MTX2: variants seen among roughly 807,000 people sequenced by gnomAD.
The protein encoded by MTX2 is metaxin-2.
MTX2 carries 35 observed loss-of-function variants against 42.3 expected under a neutral mutation model. That is an observed-to-expected ratio of 0.83 (90% CI 0.63 to 1.10). The LOEUF (loss-of-function observed/expected upper bound fraction) is 1.10. Among genes scored for constraint, MTX2 ranks in the 50% least tolerant of loss-of-function variants. The probability of loss-of-function intolerance (pLI) is 0.00; values close to 1 mark genes in which losing one functional copy is unlikely to be tolerated. For missense variants in MTX2, 307 were observed against 304.1 expected (o/e 1.01, Z -0.07); for synonymous variants, 119 against 100.9 (o/e 1.18, Z -1.08).
intron 1 of MTX2, among the ~76,000 whole-genome samples, chr2:176,296,404 G>A (rs960230487): frequency 6.6e-6 from 1 of 152,020 alleles, no homozygotes; most frequent in African/African-American, 2.4e-5. Context: ...TTCTTACAAT[G>A]TCTGCTTGAA....
intron 9 of MTX2, among the ~76,000 whole-genome samples, chr2:176,336,138 C>T (rs904475736): frequency 4.6e-5 from 7 of 152,130 alleles, no homozygotes; most frequent in African/African-American, 7.2e-5. Context: ...AAAACTTTAT[C>T]ACTGTGGGAC....
rs114356884 is a variant in MTX2 at position 176,270,747 on chromosome 2, A to G, written c.40+1078A>G. On this transcript the variant is annotated intron_variant, in intron 1 of 9. Transcript: ENST00000249442. ...TTCACTTAAAAACATTATTTTTTAG[A>G]GGAGAGAAGCTCCTACTAGATTGCA... Among the ~76,000 whole-genome samples the G allele has an allele frequency of 8.1e-3, 1,226 of 152,140 alleles. 9 individuals are homozygous for G. Among genetic ancestry groups the G allele is most frequent in the Middle Eastern group, 0.024 (7 of 294 alleles).
At position 176,270,058 on chromosome 2, in the gene MTX2, G is replaced by A. The variant is rs555821322; in HGVS notation, c.40+389G>A. Among the ~76,000 whole-genome samples, 24 of 152,284 alleles carry A rather than the reference G, an allele frequency of 1.6e-4. No individual in the cohort carries two copies. In the South Asian group the frequency reaches 4.8e-3, roughly 30 times the overall value. On this transcript the variant is annotated intron_variant, in intron 1 of 9. Transcript: ENST00000249442. The stretch of plus-strand genomic sequence containing the variant: ...GTTTCTGGGTCTTGGTACTCAAAAA[G>A]TTTAAGGTGACTGTCACTAATCAGT...
intron 9 of MTX2, among the ~76,000 whole-genome samples, chr2:176,336,910 C>G (rs905356671): frequency 3.3e-5 from 5 of 152,086 alleles, no homozygotes; most frequent in African/African-American, 1.2e-4. Context: ...GGGACCCCCA[C>G]AGATACTAAA....
chr2:176,274,068 G>A (rs551883352), intron 1 of MTX2, among the ~76,000 whole-genome samples: 1 of 152,024 alleles, frequency 6.6e-6, no homozygotes, highest in South Asian at 2.1e-4. Context: ...TCTGGGCACC[G>A]TTTTAACCAT....
chr2:176,271,274 A>G (rs993610546), intron 1 of MTX2, among the ~76,000 whole-genome samples: 1 of 152,230 alleles, frequency 6.6e-6, no homozygotes, highest in African/African-American at 2.4e-5. Flanking sequence ...ATCTAAATAT[A>G]AAACAACAAA....
intron 4 of MTX2, among the ~76,000 whole-genome samples, chr2:176,324,230 G>T (rs185651259): frequency 8.4e-4 from 127 of 151,406 alleles, no homozygotes; most frequent in African/African-American, 2.9e-3. Flanking sequence ...TTGCTTTTTA[G>T]GGAGACATTT....
At chr2:176,292,244 G>A (rs144753684) in intron 1 of MTX2, among the ~76,000 whole-genome samples, 190 of 152,268 alleles carry the variant, frequency 1.2e-3, no homozygotes, top group African/African-American at 4.3e-3. Flanking sequence ...CTGAAAATAG[G>A]TAGAGTAGGT....
At chr2:176,324,685 T>C (rs1684668588) in intron 4 of MTX2, among the ~76,000 whole-genome samples, 1 of 151,774 alleles carries the variant, frequency 6.6e-6, no homozygotes, top group Admixed American at 6.6e-5. Flanking sequence ...TTTATCTACC[T>C]GTTTCCTAAA....
intron 1 of MTX2, among the ~76,000 whole-genome samples, chr2:176,282,707 T>G (rs1962028): frequency 0.29 from 43,708 of 149,990 alleles, 7,032 homozygotes; most frequent in African/African-American, 0.43. Context: ...CTTTTTTTTT[T>G]TTGTTTTTTT....
chr2:176,294,840 T>G (rs960997184), intron 1 of MTX2, among the ~76,000 whole-genome samples: 1 of 152,090 alleles, frequency 6.6e-6, no homozygotes, highest in Non-Finnish European at 1.5e-5. Flanking sequence ...TTTAATACAG[T>G]TTTTGGGGAA....
intron 3 of MTX2, among the ~76,000 whole-genome samples, chr2:176,302,828 T>C (rs1234716267): frequency 6.6e-6 from 1 of 152,150 alleles, no homozygotes; most frequent in African/African-American, 2.4e-5. Flanking sequence ...GACCCTTGCA[T>C]TTTCCTTTTA....
At chr2:176,279,597 G>A (rs1693032384) in intron 1 of MTX2, among the ~76,000 whole-genome samples, 1 of 152,038 alleles carries the variant, frequency 6.6e-6, no homozygotes, top group African/African-American at 2.4e-5. Flanking sequence ...TTTGTTAGAT[G>A]CTATCATTGT....
chr2:176,308,031 G>A (rs1684197599), intron 3 of MTX2, among the ~76,000 whole-genome samples: 1 of 152,070 alleles, frequency 6.6e-6, no homozygotes, highest in East Asian at 1.9e-4. Context: ...TATTGGCTGT[G>A]GGTTTGTCAT....
At chr2:176,329,212 G>T in intron 7 of MTX2, 89 bp from the exon 8 acceptor site, 1 of 1,428,614 alleles carries the variant, frequency 7.0e-7, no homozygotes, top group Non-Finnish European at 9.4e-7. Context: ...TATGTTCTCT[G>T]AAAATATATT....
intron 8 of MTX2, among the ~76,000 whole-genome samples, chr2:176,330,069 A>T (rs2105445993): frequency 6.6e-6 from 1 of 151,190 alleles, no homozygotes; most frequent in Non-Finnish European, 1.5e-5. Flanking sequence ...CATTGGCTAC[A>T]AGGGGGTTTC....
intron 3 of MTX2, among the ~76,000 whole-genome samples, chr2:176,303,763 G>T (rs1055842762): frequency 3.3e-5 from 5 of 152,180 alleles, no homozygotes; most frequent in South Asian, 4.1e-4. Flanking sequence ...ATTCAAAATA[G>T]AATTAGGTGG....
At chr2:176,278,497 A>G (rs772935268) in intron 1 of MTX2, among the ~76,000 whole-genome samples, 1 of 152,198 alleles carries the variant, frequency 6.6e-6, no homozygotes, top group Non-Finnish European at 1.5e-5. Flanking sequence ...TTAACATTTT[A>G]TACTCTGAAA....
chr2:176,286,345 A>G (rs1360883698), intron 1 of MTX2, among the ~76,000 whole-genome samples: 1 of 152,102 alleles, frequency 6.6e-6, no homozygotes, highest in Non-Finnish European at 1.5e-5. Flanking sequence ...TCTAGTTTGT[A>G]TTTGACCAGG....
Sources: allele counts gnomAD v4.1 joint callset (sites outside exome capture counted in the v4.1 genomes callset), GRCh38; gene constraint gnomAD v4.1.1; transcripts MANE v1.5; gene names NCBI Gene and HGNC (gene_info 2026-07-23, HGNC 2026-07-21).